Variants in MKLN1 observed in about 807,000 individuals in gnomAD.
The protein encoded by MKLN1 is muskelin 1, also known as muskelin.
MKLN1 carries 18 observed loss-of-function variants against 99.0 expected under a neutral mutation model. The observed-to-expected ratio is 0.18, with a 90% CI of 0.13 to 0.27. The LOEUF is 0.27. Among genes scored for constraint, MKLN1 ranks in the 10% least tolerant of loss-of-function variants. The pLI is 1.00. For synonymous variants in MKLN1, 288 were observed against 293.2 expected (o/e 0.98, Z 0.18); for missense variants, 621 against 875.9 (o/e 0.71, Z 3.67).
chr7:131,118,078 G>C (rs961876634), intron 1 of MKLN1, among the ~76,000 whole-genome samples: 1 of 152,178 alleles, frequency 6.6e-6, no homozygotes, highest in African/African-American at 2.4e-5. Flanking sequence ...TCCCTCATGA[G>C]CCTATTGATG....
chr7:131,282,353 A>G (rs1169441515), intron 3 of MKLN1, among the ~76,000 whole-genome samples: 1 of 151,096 alleles, frequency 6.6e-6, no homozygotes, highest in East Asian at 1.9e-4. Context: ...CCGTCTCAAA[A>G]AAAAAAAAAA....
At chr7:131,346,299 G>A (rs1462413437) in intron 1 of MKLN1, among the ~76,000 whole-genome samples, 3 of 152,160 alleles carry the variant, frequency 2.0e-5, no homozygotes, top group Non-Finnish European at 4.4e-5. Flanking sequence ...AAGGCAGGTG[G>A]ATCACTTGAG....
At chr7:131,448,510 T>C (rs1282716809) in intron 12 of MKLN1, among the ~76,000 whole-genome samples, 4 of 152,190 alleles carry the variant, frequency 2.6e-5, no homozygotes, top group African/African-American at 9.7e-5. Context: ...AAAGAAAATA[T>C]GTCAAACTGT....
chr7:131,445,222 AT>A (rs200888105), intron 11 of MKLN1, among the ~76,000 whole-genome samples: 33 of 149,590 alleles, frequency 2.2e-4, no homozygotes, highest in South Asian at 8.5e-4. Context: ...CAAATTTTAG[AT>A]TTTTTTTTTG....
chr7:131,209,425 C>T (rs1186047540), intron 3 of MKLN1, among the ~76,000 whole-genome samples: 3 of 152,072 alleles, frequency 2.0e-5, no homozygotes, highest in Non-Finnish European at 4.4e-5. Context: ...AGATGAGGAG[C>T]GCTGGGTGTA....
intron 6 of MKLN1, among the ~76,000 whole-genome samples, chr7:131,407,024 A>G (rs921930199): frequency 2.6e-5 from 4 of 152,072 alleles, no homozygotes; most frequent in Middle Eastern, 3.4e-3. Context: ...GCCTTTGTCT[A>G]TCATTTATTT....
rs759295772 is a variant in MKLN1, at chr7:131,487,144, T to C, written c.2087-463T>C. ...GACTAATTTCTAAAGACCTCTTTCA[T>C]TTTGATTTTATTATATTTTTGTTAC... is the stretch of plus-strand genomic sequence containing the variant. On this transcript the variant is annotated intron_variant, in intron 17 of 17. Coordinates refer to ENST00000352689, the MANE Select transcript of MKLN1 (RefSeq NM_013255.5). This position sits in a 1 kb window ranked among gnomAD's most constrained non-coding sequence, Gnocchi z 4.7. Among the ~76,000 whole-genome samples the C allele has an allele frequency of 4.6e-5, 7 of 152,110 alleles. No homozygotes were observed. The highest frequency in any genetic ancestry group is 8.8e-5 in the Non-Finnish European group (6 of 68,000).
intron 3 of MKLN1, among the ~76,000 whole-genome samples, chr7:131,210,838 T>C (rs1400941921): frequency 7.1e-6 from 1 of 141,222 alleles, no homozygotes; most frequent in African/African-American, 2.7e-5. Flanking sequence ...AAGCTGACCA[T>C]CAACATATAA....
intron 1 of MKLN1, among the ~76,000 whole-genome samples, chr7:131,360,105 A>G (rs1799985810): frequency 6.6e-6 from 1 of 152,104 alleles, no homozygotes; most frequent in African/African-American, 2.4e-5. Context: ...TTTGTCTGAT[A>G]TTAATTAATA....
chr7:131,283,346 C>CT (rs1563278426), intron 3 of MKLN1, among the ~76,000 whole-genome samples: 665 of 51,416 alleles, frequency 0.013, 43 homozygotes, highest in African/African-American at 0.053. Flanking sequence ...TTCCCTTCCC[C>CT]TCCTTCCTTC....
At chr7:131,486,057 C>CA (rs1182365887) in intron 17 of MKLN1, among the ~76,000 whole-genome samples, 3 of 151,364 alleles carry the variant, frequency 2.0e-5, no homozygotes, top group Non-Finnish European at 4.4e-5. Flanking sequence ...AATAGTTCTG[C>CA]AAAAAGATTT....
rs1797561257 is a variant in MKLN1 at position 131,496,377 on chromosome 7, A to G, written c.*8649A>G. ...TTGTTGGGCTCTGTCGTGTTCTGCA[A>G]TCTTCCCCATTCCCCTCATGATCTC... On this transcript the variant is annotated 3_prime_UTR_variant, in exon 18 of 18. Coordinates refer to ENST00000352689, the MANE Select transcript of MKLN1 (RefSeq NM_013255.5). 2 of 152,082 alleles carry G rather than the reference A, an allele frequency of 1.3e-5. No individual in the cohort carries two copies. Among genetic ancestry groups the G allele is most frequent in the Admixed American group, 6.5e-5 (1 of 15,284 alleles). 9.4% of individuals were successfully genotyped at this position (152,082 alleles called of 1,614,324 possible). A position where few individuals can be genotyped will look rare whatever the true frequency, so the allele number is the denominator to read the frequency against.
intron 3 of MKLN1, among the ~76,000 whole-genome samples, chr7:131,314,092 C>G (rs1798619081): frequency 6.6e-6 from 1 of 152,238 alleles, no homozygotes; most frequent in Non-Finnish European, 1.5e-5. Context: ...TCACTGTAAA[C>G]AACTGCTGTC....
At chr7:131,459,843 T>A (rs1320847141) in intron 12 of MKLN1, among the ~76,000 whole-genome samples, 1 of 152,164 alleles carries the variant, frequency 6.6e-6, no homozygotes, top group East Asian at 1.9e-4. Flanking sequence ...TCAGGGAAAC[T>A]TTATTTTTTC....
Position 131,494,656 on chromosome 7 carries a change from T to A in MKLN1, c.*6928T>A, listed in dbSNP as rs1797509389. ...AATTGTAAACAATTTTCTTCCTTAC[T>A]TACAAATCATCCGTTCAGAAAAATA... On this transcript the variant is annotated 3_prime_UTR_variant, in exon 18 of 18. Coordinates refer to ENST00000352689, the MANE Select transcript of MKLN1 (RefSeq NM_013255.5). 6.6e-6 allele frequency: 1 copy of A among 152,212 alleles called. No homozygotes were observed. Among genetic ancestry groups the A allele is most frequent in the South Asian group, 2.1e-4 (1 of 4,832 alleles). 9.4% of individuals were successfully genotyped at this position (152,212 alleles called of 1,614,324 possible).
intron 1 of MKLN1, among the ~76,000 whole-genome samples, chr7:131,365,536 G>T (rs530959564): frequency 6.6e-6 from 1 of 152,182 alleles, no homozygotes; most frequent in Admixed American, 6.5e-5. Context: ...GTCCAGGGTG[G>T]TATTGCCTAG....
At chr7:131,402,088 T>A (rs1443534400) in intron 6 of MKLN1, among the ~76,000 whole-genome samples, 2 of 152,228 alleles carry the variant, frequency 1.3e-5, no homozygotes, top group Non-Finnish European at 2.9e-5. Context: ...CTGATTGCAT[T>A]TGACCCACAA....
At chr7:131,320,188 G>T (rs149187288) in intron 3 of MKLN1, among the ~76,000 whole-genome samples, 1,943 of 152,192 alleles carry the variant, frequency 0.013, 49 homozygotes, top group African/African-American at 0.044. Flanking sequence ...ATACTGCAAG[G>T]CTACAGTAAC....
intron 2 of MKLN1, among the ~76,000 whole-genome samples, chr7:131,161,149 C>T (rs1269434483): frequency 6.6e-6 from 1 of 152,146 alleles, no homozygotes; most frequent in Non-Finnish European, 1.5e-5. Flanking sequence ...AGTGGAACCT[C>T]TCCAGGTACT....
Sources: gnomAD v4.1 joint callset for allele counts (sites outside exome capture counted in the v4.1 genomes callset) on GRCh38, gnomAD v4.1.1 for gene constraint, Gnocchi (gnomAD v3.1) non-coding constraint, MANE v1.5 for transcripts, NCBI Gene and HGNC (gene_info 2026-07-23, HGNC 2026-07-21) for gene names.